The following MYPN variants were observed in gnomAD, a reference collection of about 807,000 sequenced individuals.
MYPN encodes myopalladin.
Under a neutral mutation model 129.4 loss-of-function variants are expected in MYPN, and 63 were observed. That is an observed-to-expected ratio of 0.49 (90% CI 0.40 to 0.60). The LOEUF is 0.60. Ranked by LOEUF, MYPN falls within the 20% of genes least tolerant of loss-of-function variation. MYPN has a pLI of 0.00. For synonymous variants in MYPN, 629 were observed against 600.9 expected, an observed-to-expected ratio of 1.05 and a Z score of -0.68; for missense variants, 1,596 against 1,635.4, an observed-to-expected ratio of 0.98 and a Z score of 0.42.
intron 1 of MYPN, among the ~76,000 whole-genome samples, chr10:68,100,909 A>C (rs1368828995): frequency 6.6e-6 from 1 of 152,154 alleles, no homozygotes; most frequent in Non-Finnish European, 1.5e-5. Context: ...TGTTAAAAAA[A>C]ATCATAACCA....
At chr10:68,177,340 C>T (rs2134211351) in intron 12 of MYPN, among the ~76,000 whole-genome samples, 1 of 152,270 alleles carries the variant, frequency 6.6e-6, no homozygotes, top group Admixed American at 6.5e-5. Flanking sequence ...TGTCATTCTC[C>T]TGAGAATTAT....
At chr10:68,151,158 T>C (rs2042763565) in intron 6 of MYPN, among the ~76,000 whole-genome samples, 1 of 152,076 alleles carries the variant, frequency 6.6e-6, no homozygotes, top group African/African-American at 2.4e-5. Context: ...ATGGAAAAAA[T>C]GGGCTATTTT....
intron 1 of MYPN, among the ~76,000 whole-genome samples, chr10:68,091,205 T>C (rs1271378002): frequency 2.0e-5 from 3 of 152,044 alleles, no homozygotes; most frequent in African/African-American, 7.3e-5. Context: ...CTTGTGAGCA[T>C]TGGCCTGGGC....
rs781670467 is a variant in MYPN at position 68,210,484 on chromosome 10, AGCGGACT to A, written c.*31_*37del. 1.2e-6 allele frequency: 2 copies of A among 1,612,934 alleles called. No individual in the cohort carries two copies. The highest frequency in any genetic ancestry group is 2.7e-5 in the African/African-American group (2 of 74,878). On this transcript the variant is annotated 3_prime_UTR_variant, in exon 20 of 20. Coordinates refer to ENST00000358913, the MANE Select transcript of MYPN (RefSeq NM_032578.4). Reference sequence around the variant, plus strand: ...TGTCTAGGTACCTGCTGTGTAAGAGAGCGGACTGTGGAGGGGGAATGAGAACAAGCCA... The same window carrying A: ...TGTCTAGGTACCTGCTGTGTAAGAGAGTGGAGGGGGAATGAGAACAAGCCA...
chr10:68,108,475 A>G (rs1434556106), upstream of MYPN, among the ~76,000 whole-genome samples: 9 of 152,218 alleles, frequency 5.9e-5, no homozygotes, highest in Non-Finnish European at 1.2e-4. Flanking sequence ...TAATTATCAA[A>G]TGAATGAATG....
chr10:68,162,726 C>T (rs368093224), intron 8 of MYPN, among the ~76,000 whole-genome samples: 18 of 152,064 alleles, frequency 1.2e-4, no homozygotes, highest in Admixed American at 3.9e-4. Flanking sequence ...GAGGCTGGGG[C>T]GGGTGGATCA....
chr10:68,125,580 A>T (rs921994606), intron 2 of MYPN, among the ~76,000 whole-genome samples: 7 of 152,200 alleles, frequency 4.6e-5, no homozygotes, highest in Non-Finnish European at 8.8e-5. Flanking sequence ...CAATATAAAT[A>T]TGCATCCCTG....
At chr10:68,178,692 G>A (rs1004845649) in intron 12 of MYPN, among the ~76,000 whole-genome samples, 1 of 133,762 alleles carries the variant, frequency 7.5e-6, no homozygotes, top group Non-Finnish European at 1.6e-5. Context: ...CAGTCTGGGT[G>A]ACAGAGCGAG....
At chr10:68,096,540 T>C (rs143885552) in intron 1 of MYPN, among the ~76,000 whole-genome samples, 41 of 152,320 alleles carry the variant, frequency 2.7e-4, no homozygotes, top group African/African-American at 8.9e-4. Context: ...CCAGCCTGAG[T>C]GACAGAGTGA....
At chr10:68,160,256 C>CAAAAACAAAAAA (rs2042951133) in intron 7 of MYPN, among the ~76,000 whole-genome samples, 1 of 150,742 alleles carries the variant, frequency 6.6e-6, no homozygotes, top group African/African-American at 2.4e-5. Flanking sequence ...CCACCAAAAA[C>CAAAAACAAAAAA]AACAAAAACA....
At chr10:68,120,153 G>C (rs982732479) in intron 1 of MYPN, among the ~76,000 whole-genome samples, 3 of 152,130 alleles carry the variant, frequency 2.0e-5, no homozygotes, top group African/African-American at 7.2e-5. Flanking sequence ...GGAGTGTTAG[G>C]AAAGTCAAGG....
chr10:68,147,151 T>G (rs370971130), intron 4 of MYPN, among the ~76,000 whole-genome samples: 5 of 152,220 alleles, frequency 3.3e-5, no homozygotes, highest in African/African-American at 1.2e-4. Context: ...AAGAATTTTT[T>G]TATTATTTAT....
upstream of MYPN, among the ~76,000 whole-genome samples, chr10:68,103,097 A>G (rs1029217790): frequency 1.3e-5 from 2 of 152,226 alleles, no homozygotes; most frequent in Non-Finnish European, 2.9e-5. Context: ...CAAAACAAAA[A>G]GATTTTGCAG....
chr10:68,202,075 G>T (rs936444553), intron 18 of MYPN, 81 bp downstream of exon 18: 2 of 1,508,718 alleles, frequency 1.3e-6, no homozygotes, highest in African/African-American at 2.7e-5. Context: ...GCTGCTATTT[G>T]AGTCTGGCTT....
At chr10:68,169,122 G>C (rs1372764342) in intron 10 of MYPN, among the ~76,000 whole-genome samples, 1 of 148,494 alleles carries the variant, frequency 6.7e-6, no homozygotes, top group East Asian at 2.0e-4. Context: ...AAGGCGGGCG[G>C]ATCACGAGTT....
chr10:68,103,869 G>C (rs1049102168), upstream of MYPN, among the ~76,000 whole-genome samples: 4 of 152,206 alleles, frequency 2.6e-5, no homozygotes, highest in African/African-American at 9.6e-5. Context: ...AGAATCACTT[G>C]AACCTGGGAG....
At chr10:68,175,730 G>A (rs955369444) in intron 12 of MYPN, among the ~76,000 whole-genome samples, 10 of 152,090 alleles carry the variant, frequency 6.6e-5, no homozygotes, top group Admixed American at 1.3e-4. Context: ...AATCTATTGC[G>A]CATCCCAGCA....
At chr10:68,098,399 A>G (rs1380260335) in intron 1 of MYPN, among the ~76,000 whole-genome samples, 1 of 152,236 alleles carries the variant, frequency 6.6e-6, no homozygotes, top group Non-Finnish European at 1.5e-5. Context: ...TTGAGAGGAC[A>G]AAATAAAATA....
chr10:68,188,783 T>C, intron 12 of MYPN, 122 bp from the exon 13 acceptor site: 1 of 810,112 alleles, frequency 1.2e-6, no homozygotes. Flanking sequence ...CATACCTGGT[T>C]CATTTGGATT....
Sources: gnomAD v4.1 joint callset for allele counts (sites outside exome capture counted in the v4.1 genomes callset) on GRCh38, gnomAD v4.1.1 for gene constraint, MANE v1.5 for transcripts, NCBI Gene and HGNC (gene_info 2026-07-23, HGNC 2026-07-21) for gene names.